Variants in BRD10 observed in about 807,000 individuals in gnomAD.
The protein encoded by BRD10 is bromodomain containing 10.
chr9:5,972,823 G>A, the BRD10 span, among the ~76,000 whole-genome samples: 1 of 152,094 alleles, frequency 6.6e-6, no homozygotes, highest in South Asian at 2.1e-4. Context: ...AATGGACTAA[G>A]ACACTCTTCA....
chr9:5,973,184 C>T, the BRD10 span, among the ~76,000 whole-genome samples: 3 of 152,176 alleles, frequency 2.0e-5, no homozygotes, highest in Non-Finnish European at 4.4e-5. Context: ...ATGACAACAA[C>T]AGTTGGGCCC....
At chr9:5,891,441 C>A in the BRD10 span, 1 of 152,136 alleles carries the variant, frequency 6.6e-6, no homozygotes, top group African/African-American at 2.4e-5. Flanking sequence ...CTGGGAAGGG[C>A]AAATTACACA....
chr9:5,960,887 AG>A, the BRD10 span, among the ~76,000 whole-genome samples: 2 of 152,224 alleles, frequency 1.3e-5, no homozygotes, highest in Non-Finnish European at 2.9e-5. Context: ...ATGATGCTAC[AG>A]GGACCTATTT....
the BRD10 span, among the ~76,000 whole-genome samples, chr9:5,903,234 TG>T: frequency 6.6e-6 from 1 of 152,202 alleles, no homozygotes; most frequent in African/African-American, 2.4e-5. Flanking sequence ...ATGTGTTTTG[TG>T]GCCCAGAATG....
chr9:5,903,509 T>A, the BRD10 span, among the ~76,000 whole-genome samples: 1 of 152,238 alleles, frequency 6.6e-6, no homozygotes, highest in African/African-American at 2.4e-5. Flanking sequence ...ATTAGGGTAA[T>A]GTTGGCCTCA....
the BRD10 span, among the ~76,000 whole-genome samples, chr9:5,929,638 G>A: frequency 6.6e-6 from 1 of 152,018 alleles, no homozygotes; most frequent in Non-Finnish European, 1.5e-5. Context: ...ATTTTACAAT[G>A]TTTCTAGCCC....
chr9:5,991,557 T>G, the BRD10 span, among the ~76,000 whole-genome samples: 1 of 151,928 alleles, frequency 6.6e-6, no homozygotes, highest in Non-Finnish European at 1.5e-5. Context: ...ACCCTATCTC[T>G]ACTAAAAATA....
At chr9:5,941,219 G>T in the BRD10 span, among the ~76,000 whole-genome samples, 2 of 152,042 alleles carry the variant, frequency 1.3e-5, no homozygotes, top group Admixed American at 1.3e-4. Context: ...AATAAGATCA[G>T]GTAAAGTTAT....
chr9:5,996,406 C>G, the BRD10 span, among the ~76,000 whole-genome samples: 3 of 152,076 alleles, frequency 2.0e-5, no homozygotes, highest in Non-Finnish European at 4.4e-5. Context: ...GCAACCTTTG[C>G]CTCCTGGGTT....
At chr9:5,946,199 G>A in the BRD10 span, among the ~76,000 whole-genome samples, 1 of 151,942 alleles carries the variant, frequency 6.6e-6, no homozygotes, top group Non-Finnish European at 1.5e-5. Context: ...TTCAACCTAA[G>A]AGATTAAGAA....
the BRD10 span, chr9:5,954,187 GTAAC>G: frequency 1.4e-6 from 1 of 691,100 alleles, no homozygotes; most frequent in South Asian, 1.7e-5. Context: ...AAGTTAAATT[GTAAC>G]TAACAGATGG....
the BRD10 span, chr9:5,968,635 G>C: frequency 6.2e-7 from 1 of 1,613,804 alleles, no homozygotes; most frequent in Non-Finnish European, 8.5e-7. Context: ...TGAAGGAAGA[G>C]GGCAGGCTAT....
chr9:5,880,423 A>G, the BRD10 span, among the ~76,000 whole-genome samples: 1 of 151,756 alleles, frequency 6.6e-6, no homozygotes, highest in African/African-American at 2.4e-5. Flanking sequence ...GATGCAGGAG[A>G]GAACTGCTTC....
At chr9:5,942,236 G>A in the BRD10 span, among the ~76,000 whole-genome samples, 2 of 151,828 alleles carry the variant, frequency 1.3e-5, no homozygotes, top group African/African-American at 2.4e-5. Flanking sequence ...TATTCATAAC[G>A]ATGACCCTCA....
chr9:6,005,286 G>A, the BRD10 span, among the ~76,000 whole-genome samples: 2 of 151,872 alleles, frequency 1.3e-5, no homozygotes, highest in Admixed American at 1.3e-4. Context: ...CGAGGCGGGC[G>A]GATCACCTGA....
At chr9:5,925,776 T>C in the BRD10 span, among the ~76,000 whole-genome samples, 1 of 152,252 alleles carries the variant, frequency 6.6e-6, no homozygotes, top group Admixed American at 6.5e-5. Context: ...GCTTTATTTC[T>C]GAGAAACTAG....
the BRD10 span, among the ~76,000 whole-genome samples, chr9:5,887,663 G>T: frequency 6.6e-6 from 1 of 152,162 alleles, no homozygotes; most frequent in African/African-American, 2.4e-5. Context: ...TGAAATTCAG[G>T]TTGGAGTTGC....
the BRD10 span, among the ~76,000 whole-genome samples, chr9:5,890,517 A>G: frequency 6.6e-6 from 1 of 152,082 alleles, no homozygotes; most frequent in Non-Finnish European, 1.5e-5. Context: ...GATAGATGAA[A>G]TTTTCTTTTT....
At chr9:5,913,059 G>T in the BRD10 span, among the ~76,000 whole-genome samples, 3 of 152,328 alleles carry the variant, frequency 2.0e-5, no homozygotes, top group South Asian at 6.2e-4. Flanking sequence ...TTCCCTGCAA[G>T]ATTCTGATAT....
Sources: allele counts gnomAD v4.1 joint callset (sites outside exome capture counted in the v4.1 genomes callset), GRCh38; gene constraint gnomAD v4.1.1; transcripts MANE v1.5; gene names NCBI Gene and HGNC (gene_info 2026-07-23, HGNC 2026-07-21).